LIPA: variants seen among roughly 807,000 people sequenced by gnomAD.
LIPA encodes the protein lipase A, lysosomal acid type.
In LIPA, 26 loss-of-function variants were observed where a neutral mutation model predicts 40.6. The ratio of observed to expected loss-of-function variants is 0.64; its 90% CI spans 0.47 to 0.89. LIPA has a LOEUF of 0.89. Ranked by LOEUF, LIPA falls within the 40% of genes least tolerant of loss-of-function variation. LIPA has a pLI of 0.00. For synonymous variants in LIPA, 188 were observed against 168.4 expected (o/e 1.12, Z -0.90); for missense variants, 455 against 479.6 (o/e 0.95, Z 0.48).
intron 8 of LIPA, among the ~76,000 whole-genome samples, chr10:89,221,247 C>T (rs369163878): frequency 6.6e-6 from 1 of 151,866 alleles, no homozygotes; most frequent in African/African-American, 2.4e-5. Flanking sequence ...TAAAACGACT[C>T]GGGAGGCTGA....
At chr10:89,222,487 C>A (rs1482505054) in intron 8 of LIPA, 24 bp downstream of exon 8, 6 of 1,500,438 alleles carry the variant, frequency 4.0e-6, no homozygotes, top group Non-Finnish European at 5.6e-6. Flanking sequence ...ACATGAACCC[C>A]AAATGCACTC....
intron 1 of LIPA, among the ~76,000 whole-genome samples, chr10:89,299,035 A>G (rs1480979771): frequency 6.6e-6 from 1 of 151,410 alleles, no homozygotes; most frequent in African/African-American, 2.4e-5. Context: ...AAAATACTAA[A>G]GAAGCTCAGC....
At chr10:89,243,399 T>C (rs1006627525) in intron 3 of LIPA, among the ~76,000 whole-genome samples, 2 of 152,194 alleles carry the variant, frequency 1.3e-5, no homozygotes, top group Admixed American at 6.5e-5. Context: ...TACACATCAG[T>C]GATCCCCTAC....
At chr10:89,323,189 C>T (rs976416984) in intron 1 of LIPA, among the ~76,000 whole-genome samples, 24 of 152,086 alleles carry the variant, frequency 1.6e-4, no homozygotes, top group African/African-American at 5.1e-4. Flanking sequence ...AAAACTGAAA[C>T]CACGTGATCA....
At chr10:89,252,802 T>TC (rs113063011), upstream of LIPA, among the ~76,000 whole-genome samples, 13 of 130,472 alleles carry the variant, frequency 1.0e-4, no homozygotes, top group African/African-American at 2.9e-4. Flanking sequence ...TGAGACTCCA[T>TC]CCCCCAAAAA....
chr10:89,410,731 C>T (rs979698006), intron 2 of LIPA, among the ~76,000 whole-genome samples: 1 of 151,900 alleles, frequency 6.6e-6, no homozygotes, highest in Non-Finnish European at 1.5e-5. Flanking sequence ...TCTGGGGGAA[C>T]CCCCATTAAA....
intron 5 of LIPA, 111 bp downstream of exon 5, chr10:89,226,784 T>TA: frequency 1.4e-6 from 1 of 704,856 alleles, no homozygotes; most frequent in East Asian, 2.7e-5. Context: ...GTTTGGCATT[T>TA]AAAAATAAAT....
intron 3 of LIPA, among the ~76,000 whole-genome samples, chr10:89,236,163 A>T (rs1266976641): frequency 2.0e-5 from 3 of 152,232 alleles, no homozygotes; most frequent in Non-Finnish European, 4.4e-5. Flanking sequence ...AAGTATAAAA[A>T]GTTAACATTT....
rs4933501 is a variant in LIPA at position 89,290,001 on chromosome 10, T to C, written c.-1-42352A>G. Among the ~76,000 whole-genome samples the C allele has an allele frequency of 4.6e-3, 481 of 105,376 alleles. 2 individuals are homozygous for C. Among genetic ancestry groups the C allele is most frequent in the East Asian group, 0.025 (68 of 2,696 alleles). The allele number at this position is 105,376 out of a possible 152,430, so 69.1% of individuals were successfully genotyped here. On this transcript the variant is annotated intron_variant, in intron 1 of 5. Coordinates refer to the LIPA transcript ENST00000282673. ...CTTACTCACTGCTAAAAAAAAAGGG[T>C]GGGGGGGACTCTGTATATTTTCACA... is the stretch of plus-strand genomic sequence containing the variant.
At chr10:89,328,206 G>A (rs1214172125) in intron 1 of LIPA, 1 of 973,342 alleles carries the variant, frequency 1.0e-6, no homozygotes, top group African/African-American at 1.6e-5. Flanking sequence ...TTATCAGTCT[G>A]AGCATTTGTA....
chr10:89,352,671 G>C (rs1843965969), intron 2 of LIPA, among the ~76,000 whole-genome samples: 1 of 151,588 alleles, frequency 6.6e-6, no homozygotes, highest in Non-Finnish European at 1.5e-5. Flanking sequence ...ATAGACACAT[G>C]GAAGGAAAAT....
At chr10:89,398,973 GC>G (rs1844383409) in intron 2 of LIPA, among the ~76,000 whole-genome samples, 2 of 152,088 alleles carry the variant, frequency 1.3e-5, no homozygotes, top group African/African-American at 4.8e-5. Flanking sequence ...CACAGCACTT[GC>G]CCCCTTTTAC....
intron 1 of LIPA, among the ~76,000 whole-genome samples, chr10:89,270,248 C>A (rs767548659): frequency 3.9e-5 from 6 of 152,206 alleles, no homozygotes; most frequent in Non-Finnish European, 8.8e-5. Context: ...AGAAATCCAC[C>A]TTCATTGTCC....
intron 8 of LIPA, among the ~76,000 whole-genome samples, chr10:89,218,035 T>C (rs1842649714): frequency 6.6e-6 from 1 of 152,104 alleles, no homozygotes. Context: ...AAACCAAATA[T>C]ACACTAAGGT....
chr10:89,385,776 T>C (rs1433981150), intron 2 of LIPA, among the ~76,000 whole-genome samples: 1 of 152,208 alleles, frequency 6.6e-6, no homozygotes, highest in East Asian at 1.9e-4. Flanking sequence ...TCACAAGGGA[T>C]CTACGTGACC....
At chr10:89,219,787 C>T (rs540778649) in intron 8 of LIPA, among the ~76,000 whole-genome samples, 66 of 152,366 alleles carry the variant, frequency 4.3e-4, no homozygotes, top group Non-Finnish European at 8.2e-4. Flanking sequence ...AGATCCGATA[C>T]AATGGCTGCA....
chr10:89,332,694 T>C, intron 1 of LIPA: 1 of 1,488,818 alleles, frequency 6.7e-7, no homozygotes, highest in South Asian at 1.1e-5. Context: ...ACTTATGCTA[T>C]TTCAGTGTTT....
chr10:89,383,100 CCTAT>C (rs571235352), intron 2 of LIPA, among the ~76,000 whole-genome samples: 24 of 152,302 alleles, frequency 1.6e-4, no homozygotes, highest in African/African-American at 5.5e-4. Flanking sequence ...CTTCATGTAA[CCTAT>C]CTGTTGGCAC....
intron 2 of LIPA, among the ~76,000 whole-genome samples, chr10:89,412,088 T>C (rs1436721927): frequency 1.3e-5 from 2 of 152,026 alleles, no homozygotes; most frequent in Non-Finnish European, 2.9e-5. Context: ...GCCTAAAGAG[T>C]TCCCCTCTGG....
Sources: allele counts gnomAD v4.1 joint callset (sites outside exome capture counted in the v4.1 genomes callset), GRCh38; gene constraint gnomAD v4.1.1; transcripts MANE v1.5; gene names NCBI Gene and HGNC (gene_info 2026-07-23, HGNC 2026-07-21).